Variants in SDHA observed in about 807,000 individuals in gnomAD.
SDHA encodes the protein succinate dehydrogenase complex flavoprotein subunit A.
In SDHA, 48 loss-of-function variants were observed where a neutral mutation model predicts 78.4. The observed-to-expected ratio is 0.61, with a 90% CI of 0.49 to 0.78. SDHA has a LOEUF of 0.78. SDHA is among the 30% of genes least tolerant of loss of function. The pLI is 0.00. For missense variants in SDHA, 680 were observed against 892.7 expected, an observed-to-expected ratio of 0.76 and a Z score of 3.04; for synonymous variants, 326 against 353.9, an observed-to-expected ratio of 0.92 and a Z score of 0.88.
At position 251,476 on chromosome 5, in the gene SDHA, T is replaced by A. The variant is rs1050394308; in HGVS notation, c.1794+8T>A. ...GCCAGGGAAGACTACAAGGTGGGCC[T>A]TCTCACCACGCCCACCTGCACCTGC... On this transcript the variant is annotated splice_region_variant and intron_variant, in intron 13 of 14. Transcript: ENST00000264932. The A allele has an allele frequency of 1.7e-5, 27 of 1,613,762 alleles. No individual in the cohort carries two copies. Among genetic ancestry groups the A allele is most frequent in the Non-Finnish European group, 2.0e-5 (24 of 1,179,860 alleles).
intron 11 of SDHA, among the ~76,000 whole-genome samples, chr5:243,154 C>A (rs1736246914): frequency 6.6e-6 from 1 of 152,124 alleles, no homozygotes; most frequent in African/African-American, 2.4e-5. Context: ...TTGGCAGTTC[C>A]CTGTTAGAAT....
chr5:263,031 C>T, the SDHA span, among the ~76,000 whole-genome samples: 36,564 of 151,980 alleles, frequency 0.24, 6,860 homozygotes, highest in African/African-American at 0.53. Context: ...CCTCCACCTC[C>T]GGGGCTCCAG....
intron 1 of SDHA, among the ~76,000 whole-genome samples, chr5:221,754 G>C (rs1186528223): frequency 2.6e-5 from 4 of 152,156 alleles, no homozygotes; most frequent in Non-Finnish European, 5.9e-5. Flanking sequence ...TTGGCTTAAA[G>C]TTGGGCTTTC....
chr5:245,378 G>A (rs57693173), intron 11 of SDHA, among the ~76,000 whole-genome samples: 36,642 of 152,018 alleles, frequency 0.24, 6,860 homozygotes, highest in African/African-American at 0.53. Context: ...GACTGTGAAC[G>A]GTTTGCATTT....
Position 254,606 on chromosome 5 carries a change from A to T in SDHA, c.1908+100A>T. 6.1e-6 allele frequency: 9 copies of T among 1,464,940 alleles called. 1 individual carries two copies. Among genetic ancestry groups the T allele is most frequent in the Non-Finnish European group, 8.3e-6 (9 of 1,086,606 alleles). The allele number at this position is 1,464,940 out of a possible 1,614,324, so 90.7% of individuals were successfully genotyped here. A position where few individuals can be genotyped will look rare whatever the true frequency, so the allele number is the denominator to read the frequency against. ...GATGGTGAACGGGGAAGAGCAGGCCAGATTTAAATCAACTCCCGACAGATT... is the reference window on the plus strand; with the variant it reads ...GATGGTGAACGGGGAAGAGCAGGCCTGATTTAAATCAACTCCCGACAGATT... On this transcript the variant is annotated intron_variant, in intron 14 of 14. Transcript: ENST00000264932.
intron 14 of SDHA, among the ~76,000 whole-genome samples, 159 bp from the exon 15 acceptor site, chr5:256,175 C>A (rs1422046242): frequency 6.6e-6 from 1 of 152,176 alleles, no homozygotes; most frequent in Non-Finnish European, 1.5e-5. Flanking sequence ...CAAGGGTTCT[C>A]CCACTTTACA....
chr5:233,580 C>T lies in SDHA; in HGVS notation c.999C>T (p.Val333=), dbSNP rs149556555. 9 of 1,614,010 alleles carry T rather than the reference C, an allele frequency of 5.6e-6. No homozygotes were observed. Among genetic ancestry groups the T allele is most frequent in the Non-Finnish European group, 7.6e-6 (9 of 1,180,022 alleles). ...GERFMERYAP[V]AKDLASRDVV... is the part of the protein sequence containing the mutation. ...GGTTTATGGAGCGATACGCCCCTGT[C>T]GCGAAGGACCTGGCGTCTAGAGATG... The change falls in exon 8 of 15, where the codon GTC becomes GTT. Residue 333 remains valine (V), a synonymous_variant. Transcript: ENST00000264932.
At chr5:239,470 C>T (rs902857587) in intron 10 of SDHA, among the ~76,000 whole-genome samples, 1 of 151,742 alleles carries the variant, frequency 6.6e-6, no homozygotes, top group African/African-American at 2.4e-5. Context: ...AGGCAGGAGG[C>T]TTGCTTGAAC....
At position 235,266 on chromosome 5, in the gene SDHA, CGAA is replaced by C; in HGVS notation, c.1189_1191del (p.Lys397del). On this transcript the variant is annotated inframe_deletion, in exon 9 of 15. Transcript: ENST00000264932. ...ATGATCTTCGCTGGCGTGGACGTCA[CGAA>C]GGAGCCGATCCCTGTCCTCCCCACC... 6.2e-7 allele frequency: 1 copy of C among 1,614,092 alleles called. No homozygotes were observed. The highest frequency in any genetic ancestry group is 2.2e-5 in the East Asian group (1 of 44,876).
the SDHA span, among the ~76,000 whole-genome samples, chr5:262,638 C>G: frequency 1.3e-5 from 2 of 152,226 alleles, no homozygotes; most frequent in Non-Finnish European, 2.9e-5. Context: ...TGAAACCAGT[C>G]CCTGGTGCCA....
chr5:240,201 C>T (rs773166014), intron 10 of SDHA, among the ~76,000 whole-genome samples, 157 bp from the exon 11 acceptor site: 2 of 152,216 alleles, frequency 1.3e-5, no homozygotes, highest in Non-Finnish European at 2.9e-5. Flanking sequence ...CAGATGGCCT[C>T]AGCTGTAGGG....
chr5:225,594 G>T, intron 4 of SDHA, 32 bp downstream of exon 4: 3 of 1,613,652 alleles, frequency 1.9e-6, no homozygotes, highest in South Asian at 2.2e-5. Flanking sequence ...GTGTTCTCGT[G>T]GTCTGTTTCT....
At position 219,603 on chromosome 5, in the gene SDHA, A is replaced by G. The variant is rs113456344; in HGVS notation, c.63+1185A>G. 3.9e-5 allele frequency among the ~76,000 whole-genome samples: 6 copies of G among 152,198 alleles called. No individual in the cohort carries two copies. In the South Asian group the frequency reaches 6.2e-4, roughly 16 times the overall value. On this transcript the variant is annotated intron_variant, in intron 1 of 14. Transcript: ENST00000264932. ...CATCAGAAAGCGTGTAAACCGTTCT[A>G]GTGTGTTGCTGTGGTTGGTACTGAC...
the SDHA span, among the ~76,000 whole-genome samples, chr5:262,460 G>T: frequency 1.3e-5 from 2 of 152,230 alleles, no homozygotes; most frequent in African/African-American, 4.8e-5. Context: ...GATCAGTGGT[G>T]GCATTAGATT....
chr5:230,858 GCTCTCTA>G lies in SDHA; in HGVS notation c.771-17_771-11del, dbSNP rs1216026111. On this transcript the variant is annotated splice_polypyrimidine_tract_variant and intron_variant, in intron 6 of 14. Coordinates refer to ENST00000264932, the MANE Select transcript of SDHA (RefSeq NM_004168.4). ...ATGTGGGCCGCTGTGTGCAGTCACT[GCTCTCTA>G]TTGTTTCCAGAGGCTACGGGCGCAC... 6.8e-6 allele frequency: 11 copies of G among 1,613,324 alleles called. No individual in the cohort carries two copies. The highest frequency in any genetic ancestry group is 8.5e-6 in the Non-Finnish European group (10 of 1,179,478).
At chr5:264,042 T>C in the SDHA span, among the ~76,000 whole-genome samples, 1 of 152,190 alleles carries the variant, frequency 6.6e-6, no homozygotes, top group Non-Finnish European at 1.5e-5. Context: ...GAAGGAGGGA[T>C]GAGGAAGACC....
the SDHA span, among the ~76,000 whole-genome samples, chr5:262,475 T>C: frequency 2.6e-5 from 4 of 152,230 alleles, no homozygotes; most frequent in African/African-American, 4.8e-5. Context: ...TAGATTCTCA[T>C]AGGAGTGGAA....
rs1424809160 is a variant in SDHA at position 236,480 on chromosome 5, G to T, written c.1313G>T (p.Cys438Phe). ...QDQIVPGLYA[C>F]GEAACASVHG... Reference sequence around the variant, plus strand: ...CAGATTGTGCCCGGCCTGTACGCCTGTGGGGAGGCCGCCTGTGCCTCGGTA... The same window carrying T: ...CAGATTGTGCCCGGCCTGTACGCCTTTGGGGAGGCCGCCTGTGCCTCGGTA... Residue 438 changes from cysteine (C) to phenylalanine (F), a missense_variant, in exon 10 of 15, where the codon TGT becomes TTT. Cys to Phe is a radical substitution (Grantham distance 205). Transcript: ENST00000264932. 2.5e-6 allele frequency: 4 copies of T among 1,614,002 alleles called. No homozygotes were observed. The highest frequency in any genetic ancestry group is 3.4e-6 in the Non-Finnish European group (4 of 1,179,850).
intron 13 of SDHA, among the ~76,000 whole-genome samples, chr5:253,850 C>A (rs1561013475): frequency 6.6e-6 from 1 of 152,062 alleles, no homozygotes; most frequent in Non-Finnish European, 1.5e-5. Flanking sequence ...GACTTGAGCC[C>A]CAGAGTTGTA....
Sources: gnomAD v4.1 joint callset for allele counts (sites outside exome capture counted in the v4.1 genomes callset) on GRCh38, gnomAD v4.1.1 for gene constraint, MANE v1.5 for transcripts, NCBI Gene and HGNC (gene_info 2026-07-23, HGNC 2026-07-21) for gene names.